Variants in DSCC1 observed in about 807,000 individuals in gnomAD.
The protein encoded by DSCC1 is sister chromatid cohesion protein DCC1.
In DSCC1, 32 loss-of-function variants were observed where a neutral mutation model predicts 48.2. That is an observed-to-expected ratio of 0.66 (90% confidence interval 0.50 to 0.89). DSCC1 has a LOEUF of 0.89. Among genes scored for constraint, DSCC1 ranks in the 40% least tolerant of loss-of-function variants. DSCC1 has a pLI of 0.00. For missense variants in DSCC1, 421 were observed against 471.7 expected (o/e 0.89, Z 1.00); for synonymous variants, 150 against 171.5 (o/e 0.87, Z 0.98).
intron 7 of DSCC1, 197 bp from the exon 8 acceptor site, chr8:119,838,604 G>A: frequency 2.0e-6 from 1 of 488,432 alleles, no homozygotes; most frequent in Non-Finnish European, 3.3e-6. Context: ...TTCCTCCTCT[G>A]CAATCTGGCT....
chr8:119,837,722 A>G (rs180969079), intron 8 of DSCC1, among the ~76,000 whole-genome samples: 1 of 152,328 alleles, frequency 6.6e-6, no homozygotes, highest in East Asian at 1.9e-4. Flanking sequence ...CCACAGGAGT[A>G]AAGTGTAGAC....
intron 8 of DSCC1, among the ~76,000 whole-genome samples, chr8:119,836,483 A>G (rs1248829119): frequency 6.6e-6 from 1 of 152,140 alleles, no homozygotes; most frequent in Admixed American, 6.5e-5. Context: ...AAGATGATCC[A>G]TCAGGGTTTG....
Position 119,850,413 on chromosome 8 carries a change from C to CT in DSCC1, c.454dup (p.Ser152LysfsTer9). 2 of 1,592,458 alleles carry CT rather than the reference C, an allele frequency of 1.3e-6. No individual in the cohort carries two copies. The highest frequency in any genetic ancestry group is 1.7e-6 in the Non-Finnish European group (2 of 1,173,976). On this transcript the variant is annotated frameshift_variant, in exon 3 of 9. Transcript: ENST00000313655. LOFTEE classifies it high-confidence loss of function. Reference sequence around the variant, plus strand: ...GCTATTTGAATCCTTCTCTTTTTGACTGTCAGGTCCTTCATATGGATTTTC... The same window carrying CT: ...GCTATTTGAATCCTTCTCTTTTTGACTTGTCAGGTCCTTCATATGGATTTTC...
chr8:119,852,945 C>T (rs896363335), intron 2 of DSCC1, 102 bp downstream of exon 2: 4 of 1,059,010 alleles, frequency 3.8e-6, no homozygotes, highest in African/African-American at 1.6e-5. Flanking sequence ...TTAGATTCTC[C>T]CTGATTATAG....
intron 8 of DSCC1, among the ~76,000 whole-genome samples, chr8:119,836,035 G>A (rs758089771): frequency 2.0e-4 from 31 of 152,144 alleles, no homozygotes; most frequent in Non-Finnish European, 3.1e-4. Flanking sequence ...GGAGGTGGCC[G>A]GGCGCGGCGG....
chr8:119,848,640 T>G (rs955891741), intron 3 of DSCC1, among the ~76,000 whole-genome samples: 1 of 152,194 alleles, frequency 6.6e-6, no homozygotes, highest in Non-Finnish European at 1.5e-5. Context: ...AATGAAAACA[T>G]AGATCCACAT....
chr8:119,843,801 G>A, intron 4 of DSCC1, 54 bp from the exon 5 acceptor site: 4 of 1,549,480 alleles, frequency 2.6e-6, no homozygotes, highest in South Asian at 1.2e-5. Context: ...TTTAAGGCAG[G>A]GTCTCAACTC....
intron 4 of DSCC1, among the ~76,000 whole-genome samples, chr8:119,845,799 A>C (rs1826847403): frequency 1.3e-5 from 2 of 152,036 alleles, no homozygotes; most frequent in African/African-American, 4.8e-5. Context: ...AAACACAAAA[A>C]TTAGCTGGAC....
At chr8:119,846,505 A>G (rs1441082395) in intron 4 of DSCC1, among the ~76,000 whole-genome samples, 1 of 152,212 alleles carries the variant, frequency 6.6e-6, no homozygotes, top group Non-Finnish European at 1.5e-5. Flanking sequence ...CTGGTAGCAG[A>G]TTGACCTCAT....
chr8:119,835,089 C>T lies in DSCC1; in HGVS notation c.1074-88G>A. 3.5e-6 allele frequency: 3 copies of T among 862,250 alleles called. No homozygotes were observed. In the East Asian group the frequency reaches 8.4e-5, roughly 24 times the overall value. 53.4% of individuals were successfully genotyped at this position (862,250 alleles called of 1,614,324 possible). A position where few individuals can be genotyped will look rare whatever the true frequency, so the allele number is the denominator to read the frequency against. ...TATGTACTTATTTTCTCTCTCTCCC[C>T]CTGAATCTGTCTTCTCAACAAGCGT... On this transcript the variant is annotated intron_variant, in intron 8 of 8. Transcript: ENST00000313655.
intron 3 of DSCC1, among the ~76,000 whole-genome samples, chr8:119,849,574 T>G (rs1250480448): frequency 6.6e-6 from 1 of 152,178 alleles, no homozygotes; most frequent in Non-Finnish European, 1.5e-5. Context: ...TTATTAGTGG[T>G]AGCCTAGGGG....
At position 119,850,299 on chromosome 8, in the gene DSCC1, T is replaced by G. The variant is rs529284334; in HGVS notation, c.486+83A>C. 1.2e-4 allele frequency: 170 copies of G among 1,389,350 alleles called. No homozygotes were observed. In the African/African-American group the frequency reaches 2.3e-3, roughly 19 times the overall value. 86.1% of individuals were successfully genotyped at this position (1,389,350 alleles called of 1,614,324 possible). A position where few individuals can be genotyped will look rare whatever the true frequency, so the allele number is the denominator to read the frequency against. On this transcript the variant is annotated intron_variant, in intron 3 of 8. Transcript: ENST00000313655. ...ATTTATAACAGCTATATAACATAAATTTTAAAAAGTAAGAATGTGACTATT... is the reference window on the plus strand; with the variant it reads ...ATTTATAACAGCTATATAACATAAAGTTTAAAAAGTAAGAATGTGACTATT...
Position 119,838,490 on chromosome 8 carries a change from G to A in DSCC1, c.925-83C>T, listed in dbSNP as rs879147803. 2.9e-6 allele frequency: 4 copies of A among 1,384,328 alleles called. No homozygotes were observed. The African/African-American group carries it at 5.9e-5, about 20-fold the overall frequency. 85.8% of individuals were successfully genotyped at this position (1,384,328 alleles called of 1,614,324 possible). On this transcript the variant is annotated intron_variant, in intron 7 of 8. Coordinates refer to ENST00000313655, the MANE Select transcript of DSCC1 (RefSeq NM_024094.3). Reference sequence around the variant, plus strand: ...ACTCATTCTTTTACCTTTAGGTTTAGCTTAGCTCAAGATATTCAAAATGTC... The same window carrying A: ...ACTCATTCTTTTACCTTTAGGTTTAACTTAGCTCAAGATATTCAAAATGTC...
chr8:119,844,703 A>G (rs1436982792), intron 4 of DSCC1, among the ~76,000 whole-genome samples: 1 of 151,750 alleles, frequency 6.6e-6, no homozygotes, highest in Non-Finnish European at 1.5e-5. Flanking sequence ...GGCACATACC[A>G]TGGCACCCCC....
intron 2 of DSCC1, 129 bp from the exon 3 acceptor site, chr8:119,850,645 G>T: frequency 1.3e-6 from 1 of 782,290 alleles, no homozygotes; most frequent in Non-Finnish European, 1.9e-6. Context: ...CTTTGTATCA[G>T]GAAGGTATTT....
chr8:119,835,361 G>C (rs535215455), intron 8 of DSCC1, among the ~76,000 whole-genome samples: 3 of 152,120 alleles, frequency 2.0e-5, no homozygotes, highest in Non-Finnish European at 4.4e-5. Flanking sequence ...AAAAAAATTA[G>C]CCGGGTGTGG....
chr8:119,855,501 C>A, intron 1 of DSCC1, 113 bp downstream of exon 1: 1 of 1,379,884 alleles, frequency 7.2e-7, no homozygotes. Flanking sequence ...TTGCTATGAG[C>A]CCCCGGCCAG....
At chr8:119,835,218 T>C (rs552573901) in intron 8 of DSCC1, among the ~76,000 whole-genome samples, 2 of 152,166 alleles carry the variant, frequency 1.3e-5, no homozygotes, top group Middle Eastern at 6.8e-3. Context: ...ACAATAAAAG[T>C]AGGAGTAGGC....
chr8:119,855,486 G>A, intron 1 of DSCC1, 128 bp downstream of exon 1: 1 of 1,306,496 alleles, frequency 7.7e-7, no homozygotes, highest in Non-Finnish European at 1.0e-6. Context: ...TCGGGAACAG[G>A]CAGCTTGCTA....
Sources: gnomAD v4.1 joint callset for allele counts (sites outside exome capture counted in the v4.1 genomes callset) on GRCh38, gnomAD v4.1.1 for gene constraint, MANE v1.5 for transcripts, NCBI Gene and HGNC (gene_info 2026-07-23, HGNC 2026-07-21) for gene names.